The following FHIP1A variants were observed in gnomAD, a reference collection of about 807,000 sequenced individuals.
The protein encoded by FHIP1A is FHF complex subunit HOOK interacting protein 1A.
Under a neutral mutation model 88.6 loss-of-function variants are expected in FHIP1A, and 61 were observed. The ratio of observed to expected loss-of-function variants is 0.69; its 90% confidence interval spans 0.56 to 0.85. FHIP1A has a LOEUF of 0.85. Among genes scored for constraint, FHIP1A ranks in the 40% least tolerant of loss-of-function variants. The probability of loss-of-function intolerance (pLI) is 0.00; values close to 1 mark genes in which losing one functional copy is unlikely to be tolerated. For missense variants in FHIP1A, 1,154 were observed against 1,273.5 expected, an observed-to-expected ratio of 0.91 and a Z score of 1.43; for synonymous variants, 478 against 496.0, an observed-to-expected ratio of 0.96 and a Z score of 0.48.
At chr4:151,466,790 G>A (rs1729329179) in intron 2 of FHIP1A, among the ~76,000 whole-genome samples, 1 of 152,166 alleles carries the variant, frequency 6.6e-6, no homozygotes, top group African/African-American at 2.4e-5. Flanking sequence ...GCAGAAAACT[G>A]AAACTGGACC....
intron 2 of FHIP1A, among the ~76,000 whole-genome samples, chr4:151,477,170 AAG>A (rs1453303463): frequency 1.3e-5 from 2 of 152,198 alleles, no homozygotes; most frequent in East Asian, 3.8e-4. Flanking sequence ...AATTCTGAAA[AAG>A]AGAATAAAAT....
chr4:151,502,883 T>C (rs747641717), intron 3 of FHIP1A, among the ~76,000 whole-genome samples: 18 of 152,224 alleles, frequency 1.2e-4, no homozygotes, highest in Non-Finnish European at 2.1e-4. Flanking sequence ...TTGTTGGTGT[T>C]GGCCCATATT....
chr4:151,415,182 GGTTTTTTTTTTT>G (rs1732838386), intron 1 of FHIP1A, among the ~76,000 whole-genome samples: 3 of 148,404 alleles, frequency 2.0e-5, no homozygotes, highest in African/African-American at 7.4e-5. Flanking sequence ...TAGTTTTTTT[GGTTTTTTTTTTT>G]GTTTTTTTTT....
intron 1 of FHIP1A, among the ~76,000 whole-genome samples, chr4:151,440,109 A>G (rs1728349043): frequency 6.6e-6 from 1 of 152,158 alleles, no homozygotes; most frequent in Admixed American, 6.5e-5. Context: ...GCAGCAGGAG[A>G]GAGAATGAGT....
chr4:151,452,936 G>GTATATATATATATA (rs111734450), intron 1 of FHIP1A, among the ~76,000 whole-genome samples: 75 of 146,208 alleles, frequency 5.1e-4, no homozygotes, highest in Middle Eastern at 3.6e-3. Flanking sequence ...ACATTGAAAC[G>GTATATATATATATA]TATATATATA....
chr4:151,503,067 T>A (rs1355357669), intron 3 of FHIP1A, among the ~76,000 whole-genome samples: 6 of 152,204 alleles, frequency 3.9e-5, no homozygotes, highest in Non-Finnish European at 5.9e-5. Context: ...GTAACCAAAT[T>A]ACAGGTTCAG....
intron 2 of FHIP1A, among the ~76,000 whole-genome samples, chr4:151,467,490 T>C (rs1291478704): frequency 6.6e-6 from 1 of 152,166 alleles, no homozygotes; most frequent in Non-Finnish European, 1.5e-5. Context: ...ACTCAAAGGA[T>C]TATAAATCAC....
chr4:151,643,187 A>C (rs1267318695), intron 9 of FHIP1A, among the ~76,000 whole-genome samples: 2 of 152,188 alleles, frequency 1.3e-5, no homozygotes, highest in African/African-American at 4.8e-5. Flanking sequence ...TCTGGCATTC[A>C]TTCTATTTCT....
intron 4 of FHIP1A, among the ~76,000 whole-genome samples, chr4:151,570,716 C>T (rs780880083): frequency 2.6e-5 from 4 of 152,106 alleles, no homozygotes; most frequent in Admixed American, 6.6e-5. Context: ...CCCCATTGCC[C>T]GGAACAGAGT....
intron 3 of FHIP1A, chr4:151,534,732 G>A (rs1354148732): frequency 1.3e-5 from 2 of 152,180 alleles, no homozygotes; most frequent in Non-Finnish European, 2.9e-5. Flanking sequence ...TTAATCCTCA[G>A]TGTTGATTAG....
chr4:151,562,273 A>G lies in FHIP1A; in HGVS notation c.-122-3865A>G, dbSNP rs112675182. On this transcript the variant is annotated intron_variant, in intron 3 of 13. Transcript: ENST00000435205. ...ACCAACCAGAGTAATATCAGGAGGGATGAAGAAGGAGGGGTAGGAAGGGAG... is the reference window on the plus strand; with the variant it reads ...ACCAACCAGAGTAATATCAGGAGGGGTGAAGAAGGAGGGGTAGGAAGGGAG... Among the ~76,000 whole-genome samples, 12 of 151,988 alleles carry G rather than the reference A, an allele frequency of 7.9e-5. 1 individual carries two copies. The highest frequency in any genetic ancestry group is 2.7e-4 in the African/African-American group (11 of 41,286).
intron 2 of FHIP1A, among the ~76,000 whole-genome samples, chr4:151,456,555 C>A (rs1166627613): frequency 6.6e-6 from 1 of 152,102 alleles, no homozygotes; most frequent in Non-Finnish European, 1.5e-5. Context: ...GAAATGTACC[C>A]TGATCCACCA....
intron 3 of FHIP1A, among the ~76,000 whole-genome samples, chr4:151,554,542 T>A (rs1732871959): frequency 6.6e-6 from 1 of 152,196 alleles, no homozygotes; most frequent in Non-Finnish European, 1.5e-5. Flanking sequence ...TAGGCAGGTT[T>A]AAGGCAGGTA....
intron 7 of FHIP1A, among the ~76,000 whole-genome samples, chr4:151,615,190 C>A (rs1019787456): frequency 2.0e-5 from 3 of 151,686 alleles, no homozygotes; most frequent in African/African-American, 7.3e-5. Flanking sequence ...TACAGATATT[C>A]AATTTCAAAG....
At chr4:151,527,305 C>G (rs969718404) in intron 3 of FHIP1A, among the ~76,000 whole-genome samples, 1 of 152,206 alleles carries the variant, frequency 6.6e-6, no homozygotes, top group Non-Finnish European at 1.5e-5. Context: ...GCAGATCACT[C>G]GCGGTTAGGA....
At chr4:151,624,937 C>T (rs998694251) in intron 7 of FHIP1A, among the ~76,000 whole-genome samples, 2 of 152,156 alleles carry the variant, frequency 1.3e-5, no homozygotes, top group African/African-American at 4.8e-5. Flanking sequence ...AGAACCAGGG[C>T]GTCTGTCTTC....
chr4:151,464,967 G>A (rs1044281934), intron 2 of FHIP1A, among the ~76,000 whole-genome samples: 1 of 152,212 alleles, frequency 6.6e-6, no homozygotes, highest in African/African-American at 2.4e-5. Context: ...CCAGCACTTC[G>A]GGAGGCTGAG....
chr4:151,649,396 C>T (rs1048248230), intron 10 of FHIP1A, 63 bp from the exon 11 acceptor site: 1 of 1,248,068 alleles, frequency 8.0e-7, no homozygotes, highest in South Asian at 1.5e-5. Context: ...TGGGTCACAA[C>T]CCCATCCACT....
chr4:151,605,327 G>A (rs569076222), intron 7 of FHIP1A, among the ~76,000 whole-genome samples: 1 of 152,320 alleles, frequency 6.6e-6, no homozygotes, highest in Non-Finnish European at 1.5e-5. Context: ...CTGGTGGATA[G>A]AGGTAGAGAC....
Sources: gnomAD v4.1 joint callset for allele counts (sites outside exome capture counted in the v4.1 genomes callset) on GRCh38, gnomAD v4.1.1 for gene constraint, MANE v1.5 for transcripts, NCBI Gene and HGNC (gene_info 2026-07-23, HGNC 2026-07-21) for gene names.